PCDHA13: variants seen among roughly 807,000 people sequenced by gnomAD.
The protein encoded by PCDHA13 is protocadherin alpha 13.
Under a neutral mutation model 64.8 loss-of-function variants are expected in PCDHA13, and 54 were observed. The ratio of observed to expected loss-of-function variants is 0.83; its 90% CI spans 0.67 to 1.04. PCDHA13 has a LOEUF of 1.04. Among genes scored for constraint, PCDHA13 ranks in the 50% least tolerant of loss-of-function variants. The pLI is 0.00. For synonymous variants in PCDHA13, 587 were observed against 564.4 expected (o/e 1.04, Z -0.57); for missense variants, 1,248 against 1,254.3 (o/e 0.99, Z 0.08).
intron 1 of PCDHA13, among the ~76,000 whole-genome samples, chr5:140,975,044 G>A (rs115613317): frequency 0.045 from 6,815 of 152,244 alleles, 210 homozygotes; most frequent in Non-Finnish European, 0.062. Flanking sequence ...AGGCTCTTAG[G>A]AAGAATCTAC....
chr5:140,926,353 C>T (rs1402316154), intron 1 of PCDHA13: 1 of 152,272 alleles, frequency 6.6e-6, no homozygotes, highest in Non-Finnish European at 1.5e-5. Flanking sequence ...ACGCGCGGCT[C>T]CCAAAGGGCG....
chr5:140,990,157 T>C (rs113813870), intron 3 of PCDHA13, among the ~76,000 whole-genome samples: 6 of 152,050 alleles, frequency 3.9e-5, no homozygotes, highest in African/African-American at 1.2e-4. Flanking sequence ...AATAGAAAGT[T>C]AGGGTATGAA....
chr5:140,913,138 T>C (rs1367874502), intron 1 of PCDHA13, among the ~76,000 whole-genome samples: 1 of 152,204 alleles, frequency 6.6e-6, no homozygotes, highest in East Asian at 1.9e-4. Flanking sequence ...CTCTACTTTT[T>C]GGAATAGTTT....
At chr5:140,889,479 T>C (rs1399086830) in intron 1 of PCDHA13, among the ~76,000 whole-genome samples, 1 of 152,184 alleles carries the variant, frequency 6.6e-6, no homozygotes, top group Admixed American at 6.5e-5. Context: ...GCTCATACTT[T>C]CTACAGAATC....
At chr5:140,981,665 CCTTT>C (rs1170982670) in intron 2 of PCDHA13, among the ~76,000 whole-genome samples, 2 of 152,092 alleles carry the variant, frequency 1.3e-5, no homozygotes, top group Non-Finnish European at 2.9e-5. Flanking sequence ...TTTCTTCCTT[CCTTT>C]CTTCCTTCCT....
intron 3 of PCDHA13, among the ~76,000 whole-genome samples, chr5:140,999,859 C>T (rs2153959609): frequency 6.6e-6 from 1 of 152,256 alleles, no homozygotes; most frequent in South Asian, 2.1e-4. Context: ...TCTTCCGCTC[C>T]AAGATTACTG....
At chr5:140,941,202 C>CTTTTCTTTCTTCCTTTCTTT (rs1554213921) in intron 1 of PCDHA13, among the ~76,000 whole-genome samples, 1 of 122,742 alleles carries the variant, frequency 8.1e-6, no homozygotes, top group Non-Finnish European at 1.8e-5. Flanking sequence ...TTTCTTTCTT[C>CTTTTCTTTCTTCCTTTCTTT]CTTTCTTTCT....
At chr5:140,995,999 G>A (rs1489207802) in intron 3 of PCDHA13, among the ~76,000 whole-genome samples, 3 of 152,198 alleles carry the variant, frequency 2.0e-5, no homozygotes, top group Admixed American at 6.5e-5. Context: ...CAAAAATGTC[G>A]TCAGAACTAT....
intron 3 of PCDHA13, among the ~76,000 whole-genome samples, chr5:140,998,253 T>C (rs1245576621): frequency 6.6e-6 from 1 of 152,232 alleles, no homozygotes; most frequent in Non-Finnish European, 1.5e-5. Context: ...CTCATTTTAC[T>C]GCTAAGAAAA....
chr5:140,882,767 G>T lies in PCDHA13; in HGVS notation c.499G>T (p.Ala167Ser), dbSNP rs1348655523. ...CGATGCAGATATTGGAGTAAACTCG[G>T]CATTGACCTACCGACTGGATCCCAA... ...ASDADIGVNSALTYRLDPNDY... is the reference protein window; with the variant it reads ...ASDADIGVNSSLTYRLDPNDY... Residue 167 changes from alanine to serine, a missense_variant, in exon 1 of 4, where the codon GCA (alanine) becomes TCA (serine). By Grantham distance (99) the Ala-to-Ser change is moderately conservative. Transcript: ENST00000289272. 1.9e-6 allele frequency: 3 copies of T among 1,614,058 alleles called. No individual in the cohort carries two copies. The South Asian group carries it at 3.3e-5, about 18-fold the overall frequency.
chr5:140,884,385 C>A lies in PCDHA13; in HGVS notation c.2117C>A (p.Ala706Glu), dbSNP rs1554181508. ...VNVYLIIAIC[A>E]VSSLLVLTLL... is the part of the protein sequence containing the mutation. Reference sequence around the variant, plus strand: ...GTTTACTTGATCATTGCCATCTGCGCGGTGTCCAGCCTGTTGGTGCTCACG... The same window carrying A: ...GTTTACTTGATCATTGCCATCTGCGAGGTGTCCAGCCTGTTGGTGCTCACG... The change falls in exon 1 of 4, where the codon GCG (alanine) becomes GAG (glutamate). Residue 706 changes from alanine (A) to glutamate (E), a missense_variant. Transcript: ENST00000289272. 1 of 1,613,992 alleles carries A rather than the reference C, an allele frequency of 6.2e-7. No homozygotes were observed. Among genetic ancestry groups the A allele is most frequent in the Non-Finnish European group, 8.5e-7 (1 of 1,179,888 alleles).
intron 2 of PCDHA13, among the ~76,000 whole-genome samples, chr5:140,981,687 A>ATCATTCATTCAT (rs200213847): frequency 1.1e-4 from 17 of 151,972 alleles, no homozygotes; most frequent in African/African-American, 4.1e-4. Context: ...CCTCCCTTCC[A>ATCATTCATTCAT]TCATTCATTC....
intron 1 of PCDHA13, among the ~76,000 whole-genome samples, chr5:140,910,717 T>C (rs1349205242): frequency 1.3e-5 from 2 of 152,142 alleles, no homozygotes; most frequent in African/African-American, 4.8e-5. Flanking sequence ...CATCTTTTAA[T>C]CCATATTTCA....
intron 1 of PCDHA13, among the ~76,000 whole-genome samples, chr5:140,885,862 T>C (rs2060742623): frequency 6.6e-6 from 1 of 152,182 alleles, no homozygotes; most frequent in African/African-American, 2.4e-5. Flanking sequence ...TACTTTTCTA[T>C]TGAAAAAAAA....
chr5:140,967,074 A>C (rs1554229140), intron 1 of PCDHA13: 1 of 1,613,138 alleles, frequency 6.2e-7, no homozygotes. Flanking sequence ...TTCGTCAACG[A>C]GCGCATTGAT....
intron 1 of PCDHA13, among the ~76,000 whole-genome samples, chr5:140,970,254 T>C (rs1315934666): frequency 1.3e-5 from 2 of 152,238 alleles, no homozygotes; most frequent in African/African-American, 4.8e-5. Context: ...TGACAGTTTC[T>C]ATGGTTTTGA....
intron 1 of PCDHA13, among the ~76,000 whole-genome samples, chr5:140,951,086 T>A (rs2094547457): frequency 6.6e-6 from 1 of 152,066 alleles, no homozygotes; most frequent in Admixed American, 6.5e-5. Context: ...ATTTTCCTTT[T>A]TTTCTGATAA....
At position 140,882,818 on chromosome 5, in the gene PCDHA13, A is replaced by G; in HGVS notation, c.550A>G (p.Asn184Asp). ...PNDYFTLDAQ[N>D]SLEQMSSLSL... ...CGATTATTTCACTTTGGACGCACAA[A>G]ACAGTCTTGAGCAAATGTCTTCATT... Residue 184 changes from asparagine (N) to aspartate (D), a missense_variant, in exon 1 of 4, where the codon AAC becomes GAC. Physicochemically the swap from Asn to Asp is conservative, Grantham distance 23. Coordinates refer to ENST00000289272, the MANE Select transcript of PCDHA13 (RefSeq NM_018904.3). 1 of 1,614,226 alleles carries G rather than the reference A, an allele frequency of 6.2e-7. No homozygotes were observed. Among genetic ancestry groups the G allele is most frequent in the Non-Finnish European group, 8.5e-7 (1 of 1,180,040 alleles).
chr5:140,939,171 T>C (rs2092330047), intron 1 of PCDHA13, among the ~76,000 whole-genome samples: 1 of 152,170 alleles, frequency 6.6e-6, no homozygotes. Flanking sequence ...TGTCTGGTAA[T>C]GGCCCACTCC....
Sources: gnomAD v4.1 joint callset for allele counts (sites outside exome capture counted in the v4.1 genomes callset) on GRCh38, gnomAD v4.1.1 for gene constraint, MANE v1.5 for transcripts, NCBI Gene and HGNC (gene_info 2026-07-23, HGNC 2026-07-21) for gene names.